The following TMEM50B variants were observed in gnomAD, a reference collection of about 807,000 sequenced individuals.
TMEM50B encodes transmembrane protein 50B, also known as HCV p7-trans-regulated protein 3.
In TMEM50B, 14 loss-of-function variants were observed where a neutral mutation model predicts 23.4. The ratio of observed to expected loss-of-function variants is 0.60; its 90% CI spans 0.39 to 0.93. TMEM50B has a LOEUF of 0.93. TMEM50B is among the 40% of genes least tolerant of loss of function. The pLI, the probability that TMEM50B is intolerant of heterozygous loss-of-function variation, is 0.00. For synonymous variants in TMEM50B, 64 were observed against 62.3 expected (o/e 1.03, Z -0.13); for missense variants, 159 against 193.0 (o/e 0.82, Z 1.04).
At chr21:33,445,191 G>A (rs1008031172), downstream of TMEM50B, among the ~76,000 whole-genome samples, 8 of 152,044 alleles carry the variant, frequency 5.3e-5, no homozygotes, top group Non-Finnish European at 1.2e-4. Flanking sequence ...TGGGGAAGAG[G>A]TCAACATGCT....
intron 8 of TMEM50B, chr21:33,433,001 T>C (rs957459108): frequency 2.8e-5 from 22 of 778,302 alleles, no homozygotes; most frequent in Middle Eastern, 3.5e-4. Flanking sequence ...TTCTCCTGCC[T>C]CAGCCTCCTG....
chr21:33,436,719 C>CAA, intron 8 of TMEM50B: 3 of 790,948 alleles, frequency 3.8e-6, no homozygotes, highest in Non-Finnish European at 5.6e-6. Context: ...GACTCCATCT[C>CAA]AAAAAAAAAA....
Position 33,467,136 on chromosome 21 carries a change from C to T in TMEM50B, c.100-14G>A. ...GCCTGTAAAAAACTTAAAACACAGCCCAAGTCACTGAAACATTAAAACTCT... is the reference window on the plus strand; with the variant it reads ...GCCTGTAAAAAACTTAAAACACAGCTCAAGTCACTGAAACATTAAAACTCT... On this transcript the variant is annotated splice_polypyrimidine_tract_variant and intron_variant, in intron 2 of 6. Transcript: ENST00000542230. 6.2e-7 allele frequency: 1 copy of T among 1,600,776 alleles called. No homozygotes were observed. Among genetic ancestry groups the T allele is most frequent in the Non-Finnish European group, 8.6e-7 (1 of 1,168,558 alleles).
intron 1 of TMEM50B, among the ~76,000 whole-genome samples, chr21:33,473,745 C>T (rs1394533800): frequency 6.6e-6 from 1 of 151,910 alleles, no homozygotes; most frequent in Non-Finnish European, 1.5e-5. Flanking sequence ...ATAACTTGTT[C>T]ATAGCAGCAT....
Position 33,453,389 on chromosome 21 carries a change from C to T in TMEM50B, c.431+2338G>A, listed in dbSNP as rs142903475. Among the ~76,000 whole-genome samples, 28 of 152,014 alleles carry T rather than the reference C, an allele frequency of 1.8e-4. 1 individual carries two copies. The highest frequency in any genetic ancestry group is 2.9e-4 in the Non-Finnish European group (20 of 67,990). ...ACAGGTGTGAGCCACCATGCCCAGC[C>T]GAGATTAATTTTAAAATGTAACAAT... On this transcript the variant is annotated intron_variant, in intron 6 of 6. Transcript: ENST00000542230.
chr21:33,438,145 G>A (rs1043040805), intron 8 of TMEM50B, among the ~76,000 whole-genome samples: 2 of 151,962 alleles, frequency 1.3e-5, no homozygotes, highest in Admixed American at 1.3e-4. Context: ...TTAGCTAGTC[G>A]TGGTGGTGCA....
chr21:33,467,645 C>A (rs1051664087), intron 2 of TMEM50B, among the ~76,000 whole-genome samples: 1 of 152,102 alleles, frequency 6.6e-6, no homozygotes, highest in Non-Finnish European at 1.5e-5. Flanking sequence ...AATATAAATA[C>A]AAAAATTAGC....
Position 33,455,710 on chromosome 21 carries a change from A to C in TMEM50B, c.431+17T>G. ...CTGTAAATGTTACAGGCGTGGTTAA[A>C]AAATAAGGCAACTTACCTAAAAAAT... On this transcript the variant is annotated intron_variant, in intron 6 of 6. Coordinates refer to ENST00000542230, the MANE Select transcript of TMEM50B (RefSeq NM_006134.7). 2 of 1,608,092 alleles carry C rather than the reference A, an allele frequency of 1.2e-6. No individual in the cohort carries two copies. The highest frequency in any genetic ancestry group is 1.7e-6 in the Non-Finnish European group (2 of 1,174,684).
chr21:33,442,308 T>C (rs1357805558), intron 7 of TMEM50B, among the ~76,000 whole-genome samples: 1 of 152,018 alleles, frequency 6.6e-6, no homozygotes, highest in East Asian at 1.9e-4. Context: ...GTGACGTCTT[T>C]CTCCTTGTTT....
chr21:33,462,429 A>C (rs532976860), intron 4 of TMEM50B, among the ~76,000 whole-genome samples: 31 of 152,322 alleles, frequency 2.0e-4, no homozygotes, highest in African/African-American at 7.2e-4. Context: ...CGGGCTTGGG[A>C]ACCAGACAGA....
chr21:33,439,797 G>A (rs1011930228), intron 7 of TMEM50B, among the ~76,000 whole-genome samples: 20 of 151,496 alleles, frequency 1.3e-4, no homozygotes, highest in African/African-American at 4.6e-4. Context: ...CCTGTAATCC[G>A]AGCACTTTGA....
Position 33,465,361 on chromosome 21 carries a change from G to T in TMEM50B, c.261C>A (p.Ser87Arg), listed in dbSNP as rs757519053. 1 of 1,612,920 alleles carries T rather than the reference G, an allele frequency of 6.2e-7. No individual in the cohort carries two copies. Among genetic ancestry groups the T allele is most frequent in the Non-Finnish European group, 8.5e-7 (1 of 1,179,634 alleles). Reference sequence around the variant, plus strand: ...CTTTACCTGTTCTTCCTAAACAGCCGCTTTCATAGCTATCACCTCTCACCT... The same window carrying T: ...CTTTACCTGTTCTTCCTAAACAGCCTCTTTCATAGCTATCACCTCTCACCT... ...NAQVRGDSYE[S>R]GCLGRTGARV... Residue 87 changes from serine (S) to arginine (R), a missense_variant, in exon 4 of 7, where the codon AGC (serine) becomes AGA (arginine). Coordinates refer to ENST00000542230, the MANE Select transcript of TMEM50B (RefSeq NM_006134.7).
intron 2 of TMEM50B, 58 bp downstream of exon 2, chr21:33,468,729 T>C: frequency 7.2e-7 from 1 of 1,397,016 alleles, no homozygotes; most frequent in Non-Finnish European, 1.0e-6. Context: ...GGAACCGGCA[T>C]TAATTTCCAG....
intron 1 of TMEM50B, among the ~76,000 whole-genome samples, chr21:33,476,344 T>C (rs141352419): frequency 0.033 from 5,028 of 151,546 alleles, 297 homozygotes; most frequent in African/African-American, 0.12. Context: ...GATCACGCCA[T>C]TGCACTCCAG....
At position 33,465,382 on chromosome 21, in the gene TMEM50B, C is replaced by T; in HGVS notation, c.240G>A (p.Val80=). The T allele has an allele frequency of 6.2e-7, 1 of 1,613,174 alleles. No homozygotes were observed. The highest frequency in any genetic ancestry group is 8.5e-7 in the Non-Finnish European group (1 of 1,179,786). Residue 80 remains valine (V), a synonymous_variant, in exon 4 of 7, where the codon GTG becomes GTA. Coordinates refer to ENST00000542230, the MANE Select transcript of TMEM50B (RefSeq NM_006134.7). Reference sequence around the variant, plus strand: ...AGCCGCTTTCATAGCTATCACCTCTCACCTGAGCATTGGATACAGCATTTA... The same window carrying T: ...AGCCGCTTTCATAGCTATCACCTCTTACCTGAGCATTGGATACAGCATTTA... The part of the protein sequence containing the change: ...FMINAVSNAQ[V]RGDSYESGCL...
chr21:33,436,712 T>TC, intron 8 of TMEM50B: 1 of 794,766 alleles, frequency 1.3e-6, no homozygotes, highest in Non-Finnish European at 2.0e-6. Context: ...AGAGTAAGAC[T>TC]CCATCTCAAA....
intron 5 of TMEM50B, among the ~76,000 whole-genome samples, chr21:33,458,375 G>A (rs548334100): frequency 3.3e-5 from 5 of 152,264 alleles, no homozygotes; most frequent in African/African-American, 4.8e-5. Flanking sequence ...TTATCTGGGC[G>A]TGGTGGCATG....
At chr21:33,479,480 C>A (rs1362071351) in intron 1 of TMEM50B, 1 of 152,268 alleles carries the variant, frequency 6.6e-6, no homozygotes, top group Non-Finnish European at 1.5e-5. Flanking sequence ...CCTCCGTGCC[C>A]GCCGCGCGAG....
intron 4 of TMEM50B, among the ~76,000 whole-genome samples, chr21:33,461,252 T>C (rs1263348226): frequency 6.6e-6 from 1 of 152,202 alleles, no homozygotes; most frequent in Non-Finnish European, 1.5e-5. Flanking sequence ...AAACTAAATT[T>C]GCCTCAGTTG....
Sources: allele counts gnomAD v4.1 joint callset (sites outside exome capture counted in the v4.1 genomes callset), GRCh38; gene constraint gnomAD v4.1.1; transcripts MANE v1.5; gene names NCBI Gene and HGNC (gene_info 2026-07-23, HGNC 2026-07-21).